Variants in CLYBL observed in about 807,000 individuals in gnomAD.
CLYBL encodes citramalyl-CoA lyase.
A neutral mutation model predicts 38.9 loss-of-function variants in CLYBL; 31 were observed. The observed-to-expected ratio is 0.80, with a 90% CI of 0.60 to 1.08. The LOEUF (loss-of-function observed/expected upper bound fraction) is 1.08, where lower values mean the gene tolerates loss of function less well. Among genes scored for constraint, CLYBL ranks in the 50% least tolerant of loss-of-function variants. CLYBL has a pLI of 0.00. For missense variants in CLYBL, 434 were observed against 411.6 expected (o/e 1.05, Z -0.47); for synonymous variants, 171 against 158.6 (o/e 1.08, Z -0.59).
At chr13:99,807,849 T>G (rs1410235110) in intron 2 of CLYBL, among the ~76,000 whole-genome samples, 1 of 152,110 alleles carries the variant, frequency 6.6e-6, no homozygotes, top group Non-Finnish European at 1.5e-5. Context: ...AAAAATAACT[T>G]GGGCCTAATC....
At chr13:99,703,644 A>AGG (rs1262440866) in intron 1 of CLYBL, among the ~76,000 whole-genome samples, 32 of 152,338 alleles carry the variant, frequency 2.1e-4, no homozygotes, top group African/African-American at 7.2e-4. Context: ...CTGGGATTAC[A>AGG]CATATGAGCC....
intron 1 of CLYBL, among the ~76,000 whole-genome samples, chr13:99,740,874 T>C (rs2048743285): frequency 6.6e-6 from 1 of 152,166 alleles, no homozygotes. Context: ...CCTGGCAGCC[T>C]GTGATGGGCA....
intron 1 of CLYBL, among the ~76,000 whole-genome samples, chr13:99,709,778 A>G (rs542831772): frequency 1.3e-5 from 2 of 152,002 alleles, no homozygotes; most frequent in African/African-American, 2.4e-5. Flanking sequence ...GTAGACTCTT[A>G]TGTGTGAATT....
At chr13:99,620,642 G>A (rs1182864480) in intron 1 of CLYBL, among the ~76,000 whole-genome samples, 1 of 152,038 alleles carries the variant, frequency 6.6e-6, no homozygotes, top group African/African-American at 2.4e-5. Flanking sequence ...TGAACGTGGT[G>A]GTCACACACC....
At chr13:99,817,188 G>A (rs193054350) in intron 2 of CLYBL, among the ~76,000 whole-genome samples, 59 of 152,160 alleles carry the variant, frequency 3.9e-4, no homozygotes, top group Middle Eastern at 6.8e-3. Context: ...ATTGTAATTG[G>A]GTGTCCTTAG....
At chr13:99,723,429 T>C (rs1466035885) in intron 1 of CLYBL, among the ~76,000 whole-genome samples, 1 of 152,236 alleles carries the variant, frequency 6.6e-6, no homozygotes, top group Non-Finnish European at 1.5e-5. Context: ...TCTTTTATAT[T>C]AAATGTTTAC....
At chr13:99,765,082 T>C (rs1007398696) in intron 1 of CLYBL, among the ~76,000 whole-genome samples, 1 of 152,176 alleles carries the variant, frequency 6.6e-6, no homozygotes, top group Admixed American at 6.5e-5. Context: ...TGTTTTTTTC[T>C]TGCAGATTGA....
At chr13:99,686,512 CAGAGAGAGAGAG>C (rs34750084) in intron 1 of CLYBL, among the ~76,000 whole-genome samples, 1 of 150,104 alleles carries the variant, frequency 6.7e-6, no homozygotes, top group Non-Finnish European at 1.5e-5. Context: ...TTTGTTTCAA[CAGAGAGAGAGAG>C]AGAGAGAGAG....
chr13:99,901,799 A>G (rs926772225), downstream of CLYBL, among the ~76,000 whole-genome samples: 1 of 151,870 alleles, frequency 6.6e-6, no homozygotes, highest in Non-Finnish European at 1.5e-5. Flanking sequence ...ACCTCGGATT[A>G]CAAGCACACG....
At chr13:99,880,587 A>G (rs1380113440) in intron 7 of CLYBL, among the ~76,000 whole-genome samples, 1 of 152,190 alleles carries the variant, frequency 6.6e-6, no homozygotes, top group Non-Finnish European at 1.5e-5. Flanking sequence ...CCCCCAGAAA[A>G]GCCAGATCCT....
chr13:99,711,551 CAT>C (rs1210066078), intron 1 of CLYBL, among the ~76,000 whole-genome samples: 9 of 151,362 alleles, frequency 5.9e-5, no homozygotes, highest in South Asian at 2.1e-4. Context: ...GGATTACAGG[CAT>C]GCACCACCAC....
At chr13:99,703,479 C>A (rs549040243) in intron 1 of CLYBL, among the ~76,000 whole-genome samples, 1 of 152,252 alleles carries the variant, frequency 6.6e-6, no homozygotes, top group South Asian at 2.1e-4. Context: ...AAGCGATTCT[C>A]CTGCCTCAGC....
At chr13:99,720,014 A>G (rs1345727644) in intron 1 of CLYBL, among the ~76,000 whole-genome samples, 11 of 151,934 alleles carry the variant, frequency 7.2e-5, no homozygotes, top group Non-Finnish European at 1.5e-4. Context: ...TTACTACCAT[A>G]TGTTACTAAT....
chr13:99,774,935 C>G (rs974355962), intron 2 of CLYBL, among the ~76,000 whole-genome samples: 1 of 152,164 alleles, frequency 6.6e-6, no homozygotes, highest in Non-Finnish European at 1.5e-5. Context: ...TTCTGTGTGA[C>G]CCAGGGCAAT....
intron 7 of CLYBL, among the ~76,000 whole-genome samples, chr13:99,889,070 C>T (rs538409101): frequency 2.3e-4 from 35 of 152,272 alleles, no homozygotes; most frequent in Non-Finnish European, 4.1e-4. Context: ...AAACCTGCGA[C>T]CATAGAAGAA....
chr13:99,792,006 T>A (rs745414125), intron 2 of CLYBL, among the ~76,000 whole-genome samples: 6 of 152,220 alleles, frequency 3.9e-5, no homozygotes, highest in Non-Finnish European at 8.8e-5. Context: ...ACTTTTCCAC[T>A]TAAGCTCCTA....
chr13:99,797,763 T>C (rs149129174), intron 2 of CLYBL, among the ~76,000 whole-genome samples: 184 of 152,290 alleles, frequency 1.2e-3, no homozygotes, highest in Non-Finnish European at 2.1e-3. Flanking sequence ...ACAATAATAA[T>C]TGGGTTTTGA....
intron 2 of CLYBL, among the ~76,000 whole-genome samples, chr13:99,797,148 GT>G (rs1309931383): frequency 6.6e-6 from 1 of 152,180 alleles, no homozygotes; most frequent in African/African-American, 2.4e-5. Flanking sequence ...CACTTTGGGA[GT>G]TATATAGAGT....
intron 1 of CLYBL, among the ~76,000 whole-genome samples, chr13:99,626,590 C>CTGCAG (rs764552288): frequency 1.3e-5 from 2 of 152,210 alleles, no homozygotes; most frequent in Non-Finnish European, 2.9e-5. Context: ...CGTGGTGGAA[C>CTGCAG]TCTGCAGCTT....
Sources: gnomAD v4.1 joint callset for allele counts (sites outside exome capture counted in the v4.1 genomes callset) on GRCh38, gnomAD v4.1.1 for gene constraint, MANE v1.5 for transcripts, NCBI Gene and HGNC (gene_info 2026-07-23, HGNC 2026-07-21) for gene names.